Variants in PSD3 observed in about 807,000 individuals in gnomAD.
The protein encoded by PSD3 is pleckstrin and Sec7 domain containing 3.
Under a neutral mutation model 105.5 loss-of-function variants are expected in PSD3, and 49 were observed. The ratio of observed to expected loss-of-function variants is 0.46; its 90% CI spans 0.37 to 0.59. The LOEUF (loss-of-function observed/expected upper bound fraction) is 0.59. Among genes scored for constraint, PSD3 ranks in the 20% least tolerant of loss-of-function variants. The probability of loss-of-function intolerance (pLI) is 0.00; values close to 1 mark genes in which losing one functional copy is unlikely to be tolerated. For missense variants in PSD3, 1,561 were observed against 1,263.8 expected (o/e 1.24, Z -3.57); for synonymous variants, 557 against 457.8 (o/e 1.22, Z -2.77).
In PSD3 at chr8:18,532,333, C is replaced by A. The variant is rs1257273935; in HGVS notation, c.*3410G>T. 6.6e-6 allele frequency: 1 copy of A among 152,200 alleles called. No homozygotes were observed. The highest frequency in any genetic ancestry group is 2.4e-5 in the African/African-American group (1 of 41,450). The allele number at this position is 152,200 out of a possible 1,614,324, so 9.4% of individuals were successfully genotyped here. On this transcript the variant is annotated 3_prime_UTR_variant, in exon 16 of 16. Transcript: ENST00000327040. ...GCCACAGGGTGAAATACAAACCTAT[C>A]TTAGCCTTGGAAAGCCACCCAGATT...
chr8:18,591,318 G>A (rs950695791), intron 12 of PSD3, among the ~76,000 whole-genome samples: 3 of 152,126 alleles, frequency 2.0e-5, no homozygotes, highest in Non-Finnish European at 4.4e-5. Flanking sequence ...CCTGGGTAAT[G>A]GCTTAATCTT....
chr8:18,721,620 A>G (rs1802978620), intron 9 of PSD3, among the ~76,000 whole-genome samples: 1 of 152,208 alleles, frequency 6.6e-6, no homozygotes, highest in Non-Finnish European at 1.5e-5. Flanking sequence ...ACAAGACCAG[A>G]GATGGGCCTG....
intron 9 of PSD3, among the ~76,000 whole-genome samples, chr8:18,665,988 A>G (rs535111599): frequency 1.3e-4 from 20 of 152,328 alleles, no homozygotes; most frequent in African/African-American, 4.8e-4. Context: ...GACCCTCCAT[A>G]AGCAAAACGA....
intron 8 of PSD3, among the ~76,000 whole-genome samples, chr8:18,773,621 C>G (rs998354195): frequency 6.6e-6 from 1 of 151,992 alleles, no homozygotes; most frequent in African/African-American, 2.4e-5. Flanking sequence ...AATATTTTCC[C>G]TTTTATTTGC....
chr8:19,052,862 C>G (rs1828581219), intron 1 of PSD3, among the ~76,000 whole-genome samples: 1 of 152,050 alleles, frequency 6.6e-6, no homozygotes, highest in African/African-American at 2.4e-5. Flanking sequence ...TTGGGTGCAG[C>G]TTTGAATGTG....
chr8:18,949,078 C>T (rs187525060), intron 1 of PSD3, among the ~76,000 whole-genome samples: 18,844 of 148,714 alleles, frequency 0.13, 1,336 homozygotes, highest in Non-Finnish European at 0.17. Context: ...AAAAATTAGC[C>T]GGGCGTGGTG....
At chr8:18,604,330 G>C (rs189867886) in intron 11 of PSD3, among the ~76,000 whole-genome samples, 19 of 152,244 alleles carry the variant, frequency 1.2e-4, no homozygotes, top group African/African-American at 3.9e-4. Context: ...TTTGCCCTAG[G>C]GATCTGTGTA....
intron 9 of PSD3, among the ~76,000 whole-genome samples, chr8:18,754,516 TAGTC>T (rs1355908327): frequency 2.6e-5 from 4 of 152,142 alleles, no homozygotes; most frequent in Admixed American, 6.6e-5. Context: ...GGCTCGGTGA[TAGTC>T]AGCAGTAACT....
chr8:18,599,849 G>A (rs1300289104), intron 12 of PSD3, among the ~76,000 whole-genome samples: 3 of 151,828 alleles, frequency 2.0e-5, no homozygotes, highest in Non-Finnish European at 2.9e-5. Context: ...GAGGGATGAC[G>A]GTATACTATG....
At chr8:18,812,505 T>C (rs1027190452) in intron 4 of PSD3, among the ~76,000 whole-genome samples, 13 of 152,206 alleles carry the variant, frequency 8.5e-5, no homozygotes, top group African/African-American at 2.7e-4. Context: ...GTAATGCATG[T>C]GCCAGGGAGG....
chr8:18,707,802 T>C (rs968043391), intron 9 of PSD3, among the ~76,000 whole-genome samples: 1 of 152,172 alleles, frequency 6.6e-6, no homozygotes. Flanking sequence ...TGGAAAAGTT[T>C]GGGATGGGAA....
At chr8:18,879,682 C>G (rs1021208487) in intron 2 of PSD3, among the ~76,000 whole-genome samples, 2 of 152,110 alleles carry the variant, frequency 1.3e-5, no homozygotes, top group Non-Finnish European at 2.9e-5. Context: ...CAGCCTCCTC[C>G]GGTGCTTAAG....
At chr8:18,708,527 G>A (rs933436557) in intron 9 of PSD3, among the ~76,000 whole-genome samples, 1 of 151,962 alleles carries the variant, frequency 6.6e-6, no homozygotes, top group African/African-American at 2.4e-5. Context: ...ATAAGTTACA[G>A]ACCACACAGC....
At chr8:18,783,908 T>C (rs1808876467) in intron 8 of PSD3, among the ~76,000 whole-genome samples, 2 of 152,248 alleles carry the variant, frequency 1.3e-5, no homozygotes, top group South Asian at 4.1e-4. Flanking sequence ...ACTGCTGGCA[T>C]GAGCCACTGC....
At chr8:18,630,268 A>C (rs1447628748) in intron 11 of PSD3, among the ~76,000 whole-genome samples, 1 of 151,790 alleles carries the variant, frequency 6.6e-6, no homozygotes, top group Non-Finnish European at 1.5e-5. Context: ...TAAGGCTTTA[A>C]AGGAGATACA....
chr8:18,758,893 T>C (rs2129441946), intron 9 of PSD3, among the ~76,000 whole-genome samples: 1 of 152,256 alleles, frequency 6.6e-6, no homozygotes, highest in African/African-American at 2.4e-5. Flanking sequence ...TTGCCTAAAC[T>C]CTGTCCTTTG....
chr8:18,692,174 C>T (rs1289776592), intron 9 of PSD3, among the ~76,000 whole-genome samples: 2 of 152,268 alleles, frequency 1.3e-5, no homozygotes, highest in African/African-American at 2.4e-5. Context: ...ATTTTAACTT[C>T]CCTCATTCAC....
intron 9 of PSD3, among the ~76,000 whole-genome samples, chr8:18,701,935 C>T (rs546225925): frequency 1.3e-5 from 2 of 152,128 alleles, no homozygotes; most frequent in Non-Finnish European, 2.9e-5. Context: ...GGACCATTTA[C>T]GGCTCTTGGG....
intron 4 of PSD3, among the ~76,000 whole-genome samples, chr8:18,836,762 T>A (rs943992623): frequency 1.3e-5 from 2 of 152,108 alleles, no homozygotes. Context: ...TGACAATAAT[T>A]GTTTTTCTGC....
Sources: allele counts gnomAD v4.1 joint callset (sites outside exome capture counted in the v4.1 genomes callset), GRCh38; gene constraint gnomAD v4.1.1; transcripts MANE v1.5; gene names NCBI Gene and HGNC (gene_info 2026-07-23, HGNC 2026-07-21).